Variants in ZFAND3 observed in about 807,000 individuals in gnomAD.
The protein encoded by ZFAND3 is zinc finger AN1-type containing 3.
In ZFAND3, 10 loss-of-function variants were observed where a neutral mutation model predicts 29.6. The observed-to-expected ratio is 0.34, with a 90% CI of 0.21 to 0.57. ZFAND3 has a LOEUF of 0.57. Ranked by LOEUF, ZFAND3 falls within the 20% of genes least tolerant of loss-of-function variation. The pLI, the probability that ZFAND3 is intolerant of heterozygous loss-of-function variation, is 0.86. For synonymous variants in ZFAND3, 128 were observed against 112.6 expected, an observed-to-expected ratio of 1.14 and a Z score of -0.87; for missense variants, 230 against 304.5, an observed-to-expected ratio of 0.76 and a Z score of 1.82.
intron 4 of ZFAND3, among the ~76,000 whole-genome samples, chr6:38,107,514 G>T (rs1249716589): frequency 6.6e-6 from 1 of 152,172 alleles, no homozygotes; most frequent in Non-Finnish European, 1.5e-5. Context: ...TTCTGAATGT[G>T]TAACACAGAA....
chr6:37,963,511 G>T (rs1420972030), intron 2 of ZFAND3, among the ~76,000 whole-genome samples: 2 of 151,004 alleles, frequency 1.3e-5, no homozygotes, highest in Non-Finnish European at 3.0e-5. Context: ...TTTGAGATGA[G>T]AAATAATACA....
intron 2 of ZFAND3, among the ~76,000 whole-genome samples, chr6:38,024,916 A>G (rs769803307): frequency 1.3e-5 from 2 of 152,248 alleles, no homozygotes; most frequent in Non-Finnish European, 2.9e-5. Context: ...AATGCACTAA[A>G]TGCCACTGAG....
chr6:38,053,692 C>G (rs762631927), intron 2 of ZFAND3, among the ~76,000 whole-genome samples: 8 of 152,082 alleles, frequency 5.3e-5, no homozygotes, highest in Non-Finnish European at 1.0e-4. Flanking sequence ...GAGTGAGACT[C>G]TGTCTCAAAA....
chr6:38,068,458 G>C (rs1217469591), intron 3 of ZFAND3, among the ~76,000 whole-genome samples: 1 of 152,104 alleles, frequency 6.6e-6, no homozygotes, highest in Non-Finnish European at 1.5e-5. Context: ...TACAGAAAAA[G>C]TTTGCAAAAC....
intron 1 of ZFAND3, among the ~76,000 whole-genome samples, chr6:37,929,447 G>T (rs1246692971): frequency 6.6e-6 from 1 of 152,126 alleles, no homozygotes; most frequent in East Asian, 1.9e-4. Context: ...AAACAAGAAG[G>T]TCATAATGTG....
chr6:38,116,171 G>T (rs1422107902), intron 4 of ZFAND3, among the ~76,000 whole-genome samples: 1 of 152,304 alleles, frequency 6.6e-6, no homozygotes, highest in East Asian at 1.9e-4. Flanking sequence ...CGGTCTACTT[G>T]AGGACAAGCA....
chr6:37,846,843 CT>C (rs913330114), intron 1 of ZFAND3, among the ~76,000 whole-genome samples: 2 of 151,944 alleles, frequency 1.3e-5, no homozygotes. Context: ...TCCCGAGTAG[CT>C]GGGACTACAG....
At chr6:37,948,050 A>G (rs949231538) in intron 2 of ZFAND3, among the ~76,000 whole-genome samples, 10 of 152,146 alleles carry the variant, frequency 6.6e-5, no homozygotes, top group Non-Finnish European at 2.9e-5. Context: ...TGTTTTGTTT[A>G]TATTTGAAAA....
chr6:37,934,742 G>T (rs1482130583), intron 2 of ZFAND3, among the ~76,000 whole-genome samples: 1 of 149,118 alleles, frequency 6.7e-6, no homozygotes, highest in Non-Finnish European at 1.5e-5. Context: ...GGGAGGCTGA[G>T]GCAGGAGAAT....
At chr6:37,877,859 C>T (rs1208893015) in intron 1 of ZFAND3, among the ~76,000 whole-genome samples, 3 of 152,094 alleles carry the variant, frequency 2.0e-5, no homozygotes, top group Admixed American at 1.3e-4. Context: ...CTAAGAAGTC[C>T]GAGTTTTATT....
intron 1 of ZFAND3, among the ~76,000 whole-genome samples, chr6:37,902,528 T>C (rs763801865): frequency 2.6e-5 from 4 of 151,988 alleles, no homozygotes; most frequent in African/African-American, 4.8e-5. Flanking sequence ...AAAACAAATA[T>C]AACGTTAGTA....
chr6:38,127,935 A>G (rs532074804), intron 5 of ZFAND3, among the ~76,000 whole-genome samples: 32 of 152,246 alleles, frequency 2.1e-4, no homozygotes, highest in African/African-American at 6.5e-4. Context: ...TGTAGTCTCT[A>G]TTGAACCCAG....
intron 2 of ZFAND3, among the ~76,000 whole-genome samples, chr6:38,041,687 C>T (rs190976383): frequency 0.43 from 7,219 of 16,772 alleles, 1,267 homozygotes; most frequent in East Asian, 0.77. Context: ...TTCTTCTTCT[C>T]CTTCTCCTTC....
chr6:37,822,319 GT>G (rs1763681742), intron 1 of ZFAND3, among the ~76,000 whole-genome samples: 1 of 152,182 alleles, frequency 6.6e-6, no homozygotes, highest in African/African-American at 2.4e-5. Context: ...CACAAAACTA[GT>G]ATTTTTATCG....
At chr6:38,085,980 A>G (rs1764748290) in intron 4 of ZFAND3, among the ~76,000 whole-genome samples, 1 of 152,174 alleles carries the variant, frequency 6.6e-6, no homozygotes, top group Non-Finnish European at 1.5e-5. Context: ...ATTTCAAGCA[A>G]TTACTGTTTT....
chr6:37,999,969 TA>T lies in ZFAND3; in HGVS notation c.113-61621del, dbSNP rs561986380. On this transcript the variant is annotated intron_variant, in intron 2 of 5. Transcript: ENST00000287218. ...CTGTACTATCCTGGCAACCTTTTTA[TA>T]AATCTAAAACTATTACTAAAAAATA... is the stretch of plus-strand genomic sequence containing the variant. Among the ~76,000 whole-genome samples the T allele has an allele frequency of 4.3e-4, 66 of 152,326 alleles. 1 individual carries two copies. In the East Asian group the frequency reaches 7.5e-3, roughly 17 times the overall value.
chr6:37,962,555 G>A (rs561105267), intron 2 of ZFAND3, among the ~76,000 whole-genome samples: 9 of 152,272 alleles, frequency 5.9e-5, no homozygotes, highest in East Asian at 3.9e-4. Flanking sequence ...CTAAAGGATT[G>A]TGAACACACC....
chr6:38,092,413 G>T (rs1764891527), intron 4 of ZFAND3, among the ~76,000 whole-genome samples: 1 of 152,234 alleles, frequency 6.6e-6, no homozygotes, highest in African/African-American at 2.4e-5. Flanking sequence ...TCCAGCTTTT[G>T]CGAGCAAGAG....
chr6:37,979,423 C>CT (rs1283010999), intron 2 of ZFAND3, among the ~76,000 whole-genome samples: 7 of 152,118 alleles, frequency 4.6e-5, no homozygotes, highest in Non-Finnish European at 8.8e-5. Context: ...AAATCTTGAG[C>CT]TTTGTTCGAA....
Sources: gnomAD v4.1 joint callset for allele counts (sites outside exome capture counted in the v4.1 genomes callset) on GRCh38, gnomAD v4.1.1 for gene constraint, MANE v1.5 for transcripts, NCBI Gene and HGNC (gene_info 2026-07-23, HGNC 2026-07-21) for gene names.